Variants in ATAD5 observed in about 807,000 individuals in gnomAD.
The protein encoded by ATAD5 is ATPase family AAA domain-containing protein 5.
A neutral mutation model predicts 176.9 loss-of-function variants in ATAD5; 58 were observed. The observed-to-expected ratio is 0.33, with a 90% CI of 0.27 to 0.41. The LOEUF is 0.41. Among genes scored for constraint, ATAD5 ranks in the 10% least tolerant of loss-of-function variants. ATAD5 has a pLI of 1.00. For synonymous variants in ATAD5, 640 were observed against 712.6 expected (o/e 0.90, Z 1.62); for missense variants, 1,789 against 2,094.1 (o/e 0.85, Z 2.84).
chr17:30,864,448 A>G (rs762713386), intron 10 of ATAD5: 4 of 152,258 alleles, frequency 2.6e-5, no homozygotes, highest in Non-Finnish European at 5.9e-5. Flanking sequence ...CTGTCACCCA[A>G]ATAGTGAACA....
chr17:30,862,421 G>C (rs1907697037), intron 10 of ATAD5, among the ~76,000 whole-genome samples: 1 of 151,900 alleles, frequency 6.6e-6, no homozygotes, highest in Non-Finnish European at 1.5e-5. Context: ...ACATATCTCT[G>C]ACATGTTCTC....
rs370145641 is a variant in ATAD5, at chr17:30,842,138, G to A, written c.2241+1357G>A. Among the ~76,000 whole-genome samples the A allele has an allele frequency of 4.6e-5, 7 of 151,958 alleles. No individual in the cohort carries two copies. The East Asian group carries it at 5.8e-4, about 13-fold the overall frequency. ...ACAAACATTAGCCGGGCATGGTGGCGCGAGCCCGTAATCTCAGCTACTCAG... is the reference window on the plus strand; with the variant it reads ...ACAAACATTAGCCGGGCATGGTGGCACGAGCCCGTAATCTCAGCTACTCAG... On this transcript the variant is annotated intron_variant, in intron 4 of 22. Transcript: ENST00000321990.
At chr17:30,853,962 A>T (rs928318332) in intron 6 of ATAD5, among the ~76,000 whole-genome samples, 1 of 151,956 alleles carries the variant, frequency 6.6e-6, no homozygotes, top group East Asian at 1.9e-4. Flanking sequence ...CAAGAGGGAA[A>T]AAACTCACCT....
At chr17:30,861,361 TTC>T (rs759940369) in intron 10 of ATAD5, among the ~76,000 whole-genome samples, 3 of 151,942 alleles carry the variant, frequency 2.0e-5, no homozygotes, top group East Asian at 3.9e-4. Context: ...TTCTTTCTCC[TTC>T]TCTCTCTTTT....
In ATAD5 at chr17:30,835,529, A is replaced by G. The variant is rs765377300; in HGVS notation, c.1448A>G (p.Lys483Arg). 2 of 1,607,230 alleles carry G rather than the reference A, an allele frequency of 1.2e-6. No homozygotes were observed. The highest frequency in any genetic ancestry group is 2.2e-5 in the East Asian group (1 of 44,816). The stretch of plus-strand genomic sequence containing the variant: ...AATAAAAAGCTAAAGAAGAAGAATA[A>G]GAAAACATTAGATACTGGGGCTATT... Reference protein sequence around the residue: ...EKNKKLKKKNKKTLDTGAIPG... With the variant: ...EKNKKLKKKNRKTLDTGAIPG... Residue 483 changes from lysine (K) to arginine (R), a missense_variant, in exon 2 of 23, where the codon AAG (lysine) becomes AGG (arginine). This residue lies in a region of ATAD5 where 696 missense variants were observed against 712.5 expected (regional missense o/e 0.98). Transcript: ENST00000321990.
intron 6 of ATAD5, among the ~76,000 whole-genome samples, chr17:30,846,956 T>C (rs1328865571): frequency 1.3e-5 from 2 of 152,026 alleles, no homozygotes; most frequent in Non-Finnish European, 2.9e-5. Flanking sequence ...TGACCTCAGG[T>C]GATCTGGCCC....
intron 6 of ATAD5, among the ~76,000 whole-genome samples, chr17:30,845,211 GT>G (rs1906428860): frequency 6.6e-6 from 1 of 152,178 alleles, no homozygotes; most frequent in Admixed American, 6.5e-5. Flanking sequence ...ACCAGGTACT[GT>G]TTTTGGTATC....
chr17:30,845,334 C>G (rs901065640), intron 6 of ATAD5, among the ~76,000 whole-genome samples: 28 of 152,030 alleles, frequency 1.8e-4, no homozygotes, highest in Non-Finnish European at 1.8e-4. Context: ...TGAAAAATTG[C>G]AGTTGTGCTA....
Position 30,868,329 on chromosome 17 carries a change from G to C in ATAD5, c.3234-4G>C. The C allele has an allele frequency of 6.4e-7, 1 of 1,565,046 alleles. No individual in the cohort carries two copies. Among genetic ancestry groups the C allele is most frequent in the Non-Finnish European group, 8.6e-7 (1 of 1,160,612 alleles). ...ATTATTTTTATTATGTTTTCTTGTG[G>C]CAGTTGGTTGAAAGACTGGAAAAGA... On this transcript the variant is annotated splice_polypyrimidine_tract_variant and splice_region_variant and intron_variant, in intron 11 of 22. Coordinates refer to ENST00000321990, the MANE Select transcript of ATAD5 (RefSeq NM_024857.5).
At chr17:30,844,288 T>TGTA (rs1906333195) in intron 5 of ATAD5, among the ~76,000 whole-genome samples, 1 of 151,718 alleles carries the variant, frequency 6.6e-6, no homozygotes, top group Admixed American at 6.6e-5. Flanking sequence ...CCCACCACCA[T>TGTA]GCCCGGCTAA....
intron 6 of ATAD5, among the ~76,000 whole-genome samples, chr17:30,851,611 C>T (rs1480121720): frequency 1.3e-5 from 2 of 151,900 alleles, no homozygotes; most frequent in African/African-American, 4.8e-5. Flanking sequence ...GGTCAAGGGT[C>T]AAGACAGGAG....
chr17:30,881,045 T>C (rs904129393), intron 18 of ATAD5, among the ~76,000 whole-genome samples: 11 of 151,840 alleles, frequency 7.2e-5, no homozygotes, highest in African/African-American at 2.4e-4. Context: ...TTTAAAAAGA[T>C]AGTGTTTTTG....
intron 12 of ATAD5, 24 bp from the exon 13 acceptor site, chr17:30,869,224 A>G (rs778343875): frequency 1.4e-5 from 22 of 1,585,780 alleles, no homozygotes; most frequent in South Asian, 2.3e-5. Context: ...TTGTCATTTT[A>G]TATGCATTTG....
rs772554254 is a variant in ATAD5 at position 30,834,275 on chromosome 17, A to G, written c.194A>G (p.Tyr65Cys). The G allele has an allele frequency of 6.2e-7, 1 of 1,613,860 alleles. No individual in the cohort carries two copies. The highest frequency in any genetic ancestry group is 8.5e-7 in the Non-Finnish European group (1 of 1,179,928). Residue 65 changes from tyrosine (Y) to cysteine (C), a missense_variant, in exon 2 of 23, where the codon TAT becomes TGT. By Grantham distance (194) the Tyr-to-Cys change is radical. Coordinates refer to ENST00000321990, the MANE Select transcript of ATAD5 (RefSeq NM_024857.5). The stretch of plus-strand genomic sequence containing the variant: ...CCAAAACCTAGTAATATTCTGGATT[A>G]TTTTAGAAAGACTTCACCCACAAAT... ...APPKPSNILD[Y>C]FRKTSPTNEK... is the part of the protein sequence containing the mutation.
chr17:30,858,296 CT>C lies in ATAD5; in HGVS notation c.2932del (p.Ser978LeufsTer24). ...LLKKQIEHQVLSSECHSKQEL... is the reference protein window; with the variant it reads ...LLKKQIEHQVXSSECHSKQEL... ...AAAAAAACAAATTGAGCACCAAGTA[CT>C]TTCTTCCGAGTGTCATAGTAAACAA... On this transcript the variant is annotated frameshift_variant, in exon 9 of 23. Coordinates refer to ENST00000321990, the MANE Select transcript of ATAD5 (RefSeq NM_024857.5). LOFTEE classifies it high-confidence loss of function. 1 of 1,563,930 alleles carries C rather than the reference CT, an allele frequency of 6.4e-7. No homozygotes were observed.
chr17:30,860,868 C>G (rs112963552), intron 10 of ATAD5, among the ~76,000 whole-genome samples: 4 of 151,802 alleles, frequency 2.6e-5, no homozygotes, highest in Non-Finnish European at 4.4e-5. Flanking sequence ...TTCAGCCTCC[C>G]GGGTAGCTGG....
intron 14 of ATAD5, among the ~76,000 whole-genome samples, chr17:30,874,290 C>T (rs966676568): frequency 6.6e-6 from 1 of 151,702 alleles, no homozygotes; most frequent in South Asian, 2.1e-4. Flanking sequence ...TGCCTGTAAT[C>T]CCAGCACTTT....
chr17:30,841,572 C>G (rs978005800), intron 4 of ATAD5, among the ~76,000 whole-genome samples: 1 of 152,072 alleles, frequency 6.6e-6, no homozygotes, highest in Admixed American at 6.6e-5. Context: ...CATCCATTAC[C>G]GTAGTCAATT....
chr17:30,858,391 A>G (rs1907412064), intron 9 of ATAD5, 68 bp downstream of exon 9: 1 of 1,106,222 alleles, frequency 9.0e-7, no homozygotes, highest in East Asian at 3.3e-5. Context: ...TTATTATTTT[A>G]TTTTTATTTC....
Sources: allele counts gnomAD v4.1 joint callset (sites outside exome capture counted in the v4.1 genomes callset), GRCh38; gene constraint gnomAD v4.1.1; regional missense constraint gnomAD v4.1.1; transcripts MANE v1.5; gene names NCBI Gene and HGNC (gene_info 2026-07-23, HGNC 2026-07-21).